TENM2: variants seen among roughly 807,000 people sequenced by gnomAD.
The protein encoded by TENM2 is teneurin transmembrane protein 2, also known as teneurin-2.
Under a neutral mutation model 245.2 loss-of-function variants are expected in TENM2, and 52 were observed. The ratio of observed to expected loss-of-function variants is 0.21; its 90% CI spans 0.17 to 0.27. TENM2 has a LOEUF of 0.27. Ranked by LOEUF, TENM2 falls within the 10% of genes least tolerant of loss-of-function variation. The pLI is 1.00. For synonymous variants in TENM2, 1,363 were observed against 1,438.9 expected, an observed-to-expected ratio of 0.95 and a Z score of 1.19; for missense variants, 3,046 against 3,666.8, an observed-to-expected ratio of 0.83 and a Z score of 4.37.
At chr5:167,138,216 A>G in the TENM2 span, among the ~76,000 whole-genome samples, 1 of 152,234 alleles carries the variant, frequency 6.6e-6, no homozygotes, top group Non-Finnish European at 1.5e-5. Flanking sequence ...TACCGATGAA[A>G]TAATCAAAGA....
chr5:167,640,842 C>CATATATATATATATATATCCAT (rs60136419), intron 2 of TENM2, among the ~76,000 whole-genome samples: 1 of 75,488 alleles, frequency 1.3e-5, no homozygotes, highest in African/African-American at 3.9e-5. Context: ...TATATATATC[C>CATATATATATATATATATCCAT]ATATATATAT....
chr5:168,041,383 A>T (rs1788168488), intron 5 of TENM2, among the ~76,000 whole-genome samples: 1 of 152,162 alleles, frequency 6.6e-6, no homozygotes, highest in Non-Finnish European at 1.5e-5. Context: ...AACAAAAGGC[A>T]AAGCTCCTCA....
intron 8 of TENM2, among the ~76,000 whole-genome samples, chr5:168,094,179 G>A (rs2152264972): frequency 6.6e-6 from 1 of 152,208 alleles, no homozygotes; most frequent in South Asian, 2.1e-4. Flanking sequence ...AGAGGAAGTG[G>A]TACAAAGCCC....
At chr5:167,390,911 A>G (rs1439490704) in intron 2 of TENM2, among the ~76,000 whole-genome samples, 2 of 152,154 alleles carry the variant, frequency 1.3e-5, no homozygotes, top group Non-Finnish European at 2.9e-5. Flanking sequence ...AATATAGTCC[A>G]ATTTTATGGT....
intron 3 of TENM2, among the ~76,000 whole-genome samples, chr5:167,929,484 A>T (rs1258838717): frequency 6.6e-6 from 1 of 152,164 alleles, no homozygotes; most frequent in East Asian, 1.9e-4. Context: ...CTTTCCATTT[A>T]TCAAGTTCTG....
At chr5:167,551,978 G>T (rs1246619923) in intron 2 of TENM2, among the ~76,000 whole-genome samples, 1 of 152,180 alleles carries the variant, frequency 6.6e-6, no homozygotes, top group African/African-American at 2.4e-5. Context: ...CAGCTCCTTG[G>T]CAATTGTTCT....
At chr5:168,006,745 TA>T (rs1784852565) in intron 5 of TENM2, among the ~76,000 whole-genome samples, 1 of 152,206 alleles carries the variant, frequency 6.6e-6, no homozygotes, top group African/African-American at 2.4e-5. Flanking sequence ...TATTAACCAG[TA>T]ATAGTAAAAC....
intron 2 of TENM2, among the ~76,000 whole-genome samples, chr5:167,652,052 C>G (rs908667666): frequency 6.6e-6 from 1 of 152,154 alleles, no homozygotes; most frequent in African/African-American, 2.4e-5. Flanking sequence ...ACCTTTTTCT[C>G]TTTCCCTTGC....
intron 2 of TENM2, among the ~76,000 whole-genome samples, chr5:167,453,348 T>C (rs1765721933): frequency 6.6e-6 from 1 of 152,154 alleles, no homozygotes; most frequent in African/African-American, 2.4e-5. Context: ...CACCAATCTG[T>C]CATCTCCTCT....
the TENM2 span, among the ~76,000 whole-genome samples, chr5:167,059,805 G>A: frequency 6.6e-6 from 1 of 150,998 alleles, no homozygotes; most frequent in Non-Finnish European, 1.5e-5. Flanking sequence ...CCAGGTTCAA[G>A]CGATTCTCCT....
chr5:168,060,307 G>C (rs758186468), intron 6 of TENM2, among the ~76,000 whole-genome samples: 15 of 152,084 alleles, frequency 9.9e-5, no homozygotes, highest in Non-Finnish European at 1.6e-4. Context: ...CAGCTAATTT[G>C]GGGGGCTGAG....
At chr5:167,326,371 A>G (rs1282631083) in intron 1 of TENM2, among the ~76,000 whole-genome samples, 5 of 151,976 alleles carry the variant, frequency 3.3e-5, no homozygotes. Context: ...TTTTATACGT[A>G]CTCTTAAAAT....
At chr5:167,016,718 G>A in the TENM2 span, among the ~76,000 whole-genome samples, 1 of 152,120 alleles carries the variant, frequency 6.6e-6, no homozygotes, top group Non-Finnish European at 1.5e-5. Context: ...ATGCTAGTTT[G>A]CTTTTTTTTG....
chr5:167,687,975 A>G (rs967990752), intron 2 of TENM2, among the ~76,000 whole-genome samples: 1 of 152,220 alleles, frequency 6.6e-6, no homozygotes, highest in African/African-American at 2.4e-5. Context: ...TTACAACAAT[A>G]ATAGCGGTAT....
chr5:167,959,065 T>C (rs531224974), intron 4 of TENM2, among the ~76,000 whole-genome samples: 2 of 152,336 alleles, frequency 1.3e-5, no homozygotes, highest in South Asian at 4.1e-4. Flanking sequence ...GATAATATCC[T>C]GAAGAGTGTT....
In TENM2 at chr5:168,244,382, G is replaced by T. The variant is rs777152159; in HGVS notation, c.5521-38G>T. The stretch of plus-strand genomic sequence containing the variant: ...CAGAAGCCTGAGCCGGCATGCCTGG[G>T]TGATGTCTTTCAAACAAGGCCTGTT... On this transcript the variant is annotated intron_variant, in intron 25 of 28. Transcript: ENST00000518659. This position sits in a 1 kb window ranked among gnomAD's most constrained non-coding sequence, Gnocchi z 4.9. The T allele has an allele frequency of 6.8e-7, 1 of 1,459,968 alleles. No homozygotes were observed. The highest frequency in any genetic ancestry group is 9.2e-7 in the Non-Finnish European group (1 of 1,092,152). The allele number at this position is 1,459,968 out of a possible 1,614,324, so 90.4% of individuals were successfully genotyped here.
At chr5:166,987,834 T>C in the TENM2 span, among the ~76,000 whole-genome samples, 1 of 152,176 alleles carries the variant, frequency 6.6e-6, no homozygotes, top group Non-Finnish European at 1.5e-5. Flanking sequence ...GGAAAAATGA[T>C]TGGAATTGAG....
chr5:167,211,845 GAC>G, the TENM2 span, among the ~76,000 whole-genome samples: 1 of 151,848 alleles, frequency 6.6e-6, no homozygotes, highest in African/African-American at 2.4e-5. Flanking sequence ...ATAATGTATT[GAC>G]AGATTGCACA....
intron 27 of TENM2, among the ~76,000 whole-genome samples, chr5:168,249,932 C>T (rs1483697442): frequency 6.6e-6 from 1 of 152,118 alleles, no homozygotes; most frequent in Non-Finnish European, 1.5e-5. Context: ...CATCCATTCA[C>T]CCATTCAACA....
Sources: gnomAD v4.1 joint callset for allele counts (sites outside exome capture counted in the v4.1 genomes callset) on GRCh38, gnomAD v4.1.1 for gene constraint, Gnocchi (gnomAD v3.1) non-coding constraint, MANE v1.5 for transcripts, NCBI Gene and HGNC (gene_info 2026-07-23, HGNC 2026-07-21) for gene names.